DPH6: variants seen among roughly 807,000 people sequenced by gnomAD.
DPH6 encodes the protein diphthine--ammonia ligase.
In DPH6, 33 loss-of-function variants were observed where a neutral mutation model predicts 38.2. The observed-to-expected ratio is 0.86, with a 90% CI of 0.65 to 1.15. The LOEUF is 1.15. Among genes scored for constraint, DPH6 ranks in the 50% most tolerant of loss-of-function variants. The pLI is 0.00. For synonymous variants in DPH6, 108 were observed against 103.0 expected, an observed-to-expected ratio of 1.05 and a Z score of -0.30; for missense variants, 325 against 320.0, an observed-to-expected ratio of 1.02 and a Z score of -0.12.
chr15:35,464,130 C>T (rs556206467), intron 3 of DPH6, among the ~76,000 whole-genome samples: 2 of 152,080 alleles, frequency 1.3e-5, no homozygotes, highest in Admixed American at 6.5e-5. Context: ...CCTGTCTCTA[C>T]TAAAAATACA....
intron 3 of DPH6, among the ~76,000 whole-genome samples, chr15:35,496,567 A>AAAAAAAAAAAAAAAAAAT: frequency 1.3e-4 from 4 of 31,010 alleles, no homozygotes; most frequent in African/African-American, 5.5e-4. Flanking sequence ...AAAAAAAAAA[A>AAAAAAAAAAAAAAAAAAT]ATATATATAT....
At chr15:35,261,090 CA>C (rs1163697194) in intron 3 of DPH6, among the ~76,000 whole-genome samples, 2 of 152,230 alleles carry the variant, frequency 1.3e-5, no homozygotes, top group East Asian at 3.8e-4. Context: ...TTTATTTCTG[CA>C]TACCTCAGTC....
intron 2 of DPH6, among the ~76,000 whole-genome samples, chr15:35,541,694 T>C (rs546675207): frequency 6.6e-6 from 1 of 152,310 alleles, no homozygotes; most frequent in Non-Finnish European, 1.5e-5. Flanking sequence ...CTAATCTTTT[T>C]TCCCTCTTAC....
downstream of DPH6, among the ~76,000 whole-genome samples, chr15:35,327,915 A>G (rs1383954385): frequency 3.9e-5 from 6 of 152,028 alleles, no homozygotes; most frequent in East Asian, 1.2e-3. Context: ...TGACCACTTG[A>G]CTCTTTAGTT....
intron 3 of DPH6, among the ~76,000 whole-genome samples, chr15:35,341,251 C>T (rs111592344): frequency 0.013 from 2,041 of 152,238 alleles, 17 homozygotes; most frequent in African/African-American, 0.022. Flanking sequence ...TCCAGAATGG[C>T]TATTCTGGCT....
At chr15:35,337,441 A>C (rs1348281298) in intron 3 of DPH6, among the ~76,000 whole-genome samples, 1 of 152,192 alleles carries the variant, frequency 6.6e-6, no homozygotes, top group African/African-American at 2.4e-5. Context: ...ATGGCTTCAA[A>C]GAGAATAAAA....
chr15:35,338,360 A>G (rs999848088), intron 3 of DPH6, among the ~76,000 whole-genome samples: 3 of 152,278 alleles, frequency 2.0e-5, no homozygotes, highest in African/African-American at 7.2e-5. Context: ...CCCCATCAAA[A>G]AGTGGGCGAA....
At chr15:35,298,784 T>C (rs910690646) in intron 3 of DPH6, 9 of 1,259,096 alleles carry the variant, frequency 7.1e-6, no homozygotes, top group Non-Finnish European at 1.0e-5. Flanking sequence ...CTGGGCCGGG[T>C]TGGAGATCTC....
chr15:35,456,008 G>A (rs886487348), intron 3 of DPH6, among the ~76,000 whole-genome samples: 1 of 152,030 alleles, frequency 6.6e-6, no homozygotes, highest in African/African-American at 2.4e-5. Context: ...CTTTAAAGTC[G>A]ATTTAAAATT....
chr15:35,511,873 A>G (rs529186459), intron 3 of DPH6, among the ~76,000 whole-genome samples: 8 of 152,208 alleles, frequency 5.3e-5, no homozygotes, highest in Non-Finnish European at 1.2e-4. Context: ...TTTAGTAATA[A>G]TTACCACAAA....
At chr15:35,160,779 T>A in the DPH6 span, among the ~76,000 whole-genome samples, 2 of 151,966 alleles carry the variant, frequency 1.3e-5, 1 homozygote, top group South Asian at 4.1e-4. Flanking sequence ...ATTTGACCCA[T>A]CAATGGCATT....
At chr15:35,170,780 A>G in the DPH6 span, among the ~76,000 whole-genome samples, 106,348 of 152,004 alleles carry the variant, frequency 0.7, 37,866 homozygotes, top group Middle Eastern at 0.78. Flanking sequence ...GAAACAGTGG[A>G]TTCCTATGTC....
intron 3 of DPH6, among the ~76,000 whole-genome samples, chr15:35,245,439 T>C (rs2051630662): frequency 6.6e-6 from 1 of 152,024 alleles, no homozygotes. Flanking sequence ...GGGGTTTCAC[T>C]GTGTTAGCCA....
intron 3 of DPH6, among the ~76,000 whole-genome samples, chr15:35,492,549 T>A (rs182534408): frequency 6.6e-6 from 1 of 152,302 alleles, no homozygotes; most frequent in Admixed American, 6.5e-5. Context: ...AACATTTTCC[T>A]TTCCCAAAGG....
Position 35,285,354 on chromosome 15 carries a change from T to C in DPH6, n.201-64772A>G, listed in dbSNP as rs7163279. Among the ~76,000 whole-genome samples, 1,275 of 152,212 alleles carry C rather than the reference T, an allele frequency of 8.4e-3. 18 individuals carry two copies. The highest frequency in any genetic ancestry group is 0.029 in the African/African-American group (1,192 of 41,522). On this transcript the variant is annotated intron_variant and non_coding_transcript_variant, in intron 3 of 3. Transcript: ENST00000560386. ...GTGGGAGGGACCTAGTGGGAGGTAA[T>C]TGAAACATGGGGGCGGGTCTTTCTC... is the stretch of plus-strand genomic sequence containing the variant.
intron 3 of DPH6, among the ~76,000 whole-genome samples, chr15:35,351,428 A>G (rs2052509624): frequency 1.3e-5 from 2 of 152,040 alleles, no homozygotes; most frequent in Non-Finnish European, 2.9e-5. Context: ...ATAGGTTAGG[A>G]CTTACTCTTG....
intron 3 of DPH6, among the ~76,000 whole-genome samples, chr15:35,306,751 G>A (rs1197471872): frequency 1.3e-5 from 2 of 152,046 alleles, no homozygotes; most frequent in African/African-American, 4.8e-5. Context: ...CTCCAAATAG[G>A]TTACCTCCCT....
intron 3 of DPH6, among the ~76,000 whole-genome samples, chr15:35,343,253 C>T (rs953129173): frequency 6.6e-6 from 1 of 152,070 alleles, no homozygotes; most frequent in Non-Finnish European, 1.5e-5. Context: ...TCTTAAAATA[C>T]ATTTTTGTAA....
intron 3 of DPH6, among the ~76,000 whole-genome samples, chr15:35,224,106 T>G (rs2051462405): frequency 1.5e-5 from 2 of 129,428 alleles, no homozygotes; most frequent in Non-Finnish European, 3.1e-5. Flanking sequence ...TTTAGTTTTT[T>G]TTTTTTTTTT....
Sources: allele counts gnomAD v4.1 joint callset (sites outside exome capture counted in the v4.1 genomes callset), GRCh38; gene constraint gnomAD v4.1.1; transcripts MANE v1.5; gene names NCBI Gene and HGNC (gene_info 2026-07-23, HGNC 2026-07-21).